Variants in KLHDC4 observed in about 807,000 individuals in gnomAD.
The protein encoded by KLHDC4 is kelch domain containing 4, also known as kelch domain-containing protein 4.
A neutral mutation model predicts 62.4 loss-of-function variants in KLHDC4; 90 were observed. The observed-to-expected ratio is 1.44, with a 90% CI of 1.22 to 1.72. The LOEUF is 1.72. Ranked by LOEUF, KLHDC4 falls within the 40% of genes most tolerant of loss-of-function variation. KLHDC4 has a pLI of 0.00. For synonymous variants in KLHDC4, 386 were observed against 284.4 expected, an observed-to-expected ratio of 1.36 and a Z score of -3.59; for missense variants, 1,025 against 699.7, an observed-to-expected ratio of 1.47 and a Z score of -5.25.
chr16:87,708,409 C>T lies in KLHDC4; in HGVS notation c.1505G>A (p.Gly502Asp). Residue 502 changes from glycine (G) to aspartate (D), a missense_variant, in exon 11 of 12, where the codon GGC becomes GAC. Transcript: ENST00000270583. The stretch of plus-strand genomic sequence containing the variant: ...TTCGTCGTCGACCCCACCCTCGGCG[C>T]CCTCAACCTCCTCACTGTCCTCTTC... ...DSEEDSEEVE[G>D]AEGGVDDEDS... The T allele has an allele frequency of 1.9e-6, 3 of 1,612,158 alleles. No homozygotes were observed. The highest frequency in any genetic ancestry group is 2.5e-6 in the Non-Finnish European group (3 of 1,179,612).
chr16:87,754,953 G>A (rs565325846), intron 4 of KLHDC4, among the ~76,000 whole-genome samples: 17 of 152,272 alleles, frequency 1.1e-4, no homozygotes, highest in Non-Finnish European at 2.1e-4. Context: ...GGAACGACAC[G>A]AGCTATTTTA....
chr16:87,718,057 A>G (rs2037353907), intron 7 of KLHDC4, among the ~76,000 whole-genome samples: 1 of 152,100 alleles, frequency 6.6e-6, no homozygotes, highest in Admixed American at 6.5e-5. Flanking sequence ...AACAGGGCCC[A>G]TGGTTCGACC....
At chr16:87,701,986 A>T (rs1487405780) in exon 1 of KLHDC4, 1 of 456,140 alleles carries the variant, frequency 2.2e-6, no homozygotes, top group Non-Finnish European at 4.4e-6. Context: ...CTGGGCCTGC[A>T]ACAAAGCTCA....
chr16:87,735,939 T>C (rs1304113677), intron 5 of KLHDC4, among the ~76,000 whole-genome samples: 1 of 152,176 alleles, frequency 6.6e-6, no homozygotes, highest in Admixed American at 6.5e-5. Context: ...TAGGGTACAG[T>C]CAGAATTAAA....
In KLHDC4 at chr16:87,762,095, C is replaced by T. The variant is rs542687655; in HGVS notation, c.100-55G>A. The T allele has an allele frequency of 5.6e-6, 9 of 1,599,068 alleles. No individual in the cohort carries two copies. In the African/African-American group the frequency reaches 9.4e-5, roughly 17 times the overall value. On this transcript the variant is annotated intron_variant, in intron 1 of 11. Transcript: ENST00000270583. The stretch of plus-strand genomic sequence containing the variant: ...CTTATTCCCAGGACCCGCCGCGGAG[C>T]CACAGCCCGCTCAGCTTTCCTCCAA...
downstream of KLHDC4, among the ~76,000 whole-genome samples, chr16:87,705,286 C>T (rs926845180): frequency 2.0e-4 from 30 of 152,260 alleles, no homozygotes; most frequent in African/African-American, 6.0e-4. Context: ...AACTGGGCCC[C>T]GGCAGACAGA....
chr16:87,749,403 C>A (rs58273871), intron 4 of KLHDC4, among the ~76,000 whole-genome samples: 32,144 of 151,690 alleles, frequency 0.21, 3,607 homozygotes, highest in South Asian at 0.31. Context: ...AAAATACAAA[C>A]ATTAGCCGGG....
At chr16:87,749,548 C>A (rs1259805129) in intron 4 of KLHDC4, among the ~76,000 whole-genome samples, 3 of 123,274 alleles carry the variant, frequency 2.4e-5, no homozygotes, top group African/African-American at 9.5e-5. Context: ...AGCGAGACTC[C>A]ATGTCAAAAA....
At chr16:87,730,769 A>C (rs2040206429) in intron 5 of KLHDC4, 125 bp from the exon 6 acceptor site, 2 of 765,986 alleles carry the variant, frequency 2.6e-6, no homozygotes, top group Non-Finnish European at 4.4e-6. Context: ...TACTGCTCAC[A>C]AATTAAATAC....
At chr16:87,713,902 T>A (rs1054365384) in intron 8 of KLHDC4, among the ~76,000 whole-genome samples, 1 of 151,284 alleles carries the variant, frequency 6.6e-6, no homozygotes, top group African/African-American at 2.4e-5. Flanking sequence ...ATCTAGGCAT[T>A]CTAACAGCCC....
intron 7 of KLHDC4, among the ~76,000 whole-genome samples, chr16:87,718,325 CTCTCCCTCCCCCTCT>C (rs2037457526): frequency 1.3e-5 from 1 of 74,452 alleles, no homozygotes; most frequent in Non-Finnish European, 2.6e-5. Flanking sequence ...CTCCCCCTCC[CTCTCCCTCCCCCTCT>C]CCTCCCCCTC....
downstream of KLHDC4, among the ~76,000 whole-genome samples, chr16:87,704,861 A>G (rs937311043): frequency 1.3e-5 from 2 of 152,184 alleles, no homozygotes; most frequent in Non-Finnish European, 2.9e-5. Flanking sequence ...CCAAACACGA[A>G]AAAAGCCACC....
At chr16:87,743,868 A>G (rs1228998570) in intron 5 of KLHDC4, among the ~76,000 whole-genome samples, 1 of 152,222 alleles carries the variant, frequency 6.6e-6, no homozygotes, top group Non-Finnish European at 1.5e-5. Flanking sequence ...AAAAAAACCA[A>G]ATGGAGACAT....
chr16:87,703,840 G>T (rs1214713783), downstream of KLHDC4, among the ~76,000 whole-genome samples: 1 of 152,248 alleles, frequency 6.6e-6, no homozygotes, highest in Non-Finnish European at 1.5e-5. Flanking sequence ...GTGTGGCCAG[G>T]CCCCAGATGG....
intron 1 of KLHDC4, chr16:87,763,345 G>C (rs769768724): frequency 2.8e-4 from 42 of 152,374 alleles, no homozygotes; most frequent in South Asian, 1.7e-3. Flanking sequence ...GCTCACGCCT[G>C]TAATCCCCGA....
chr16:87,745,106 T>C (rs1346338361), intron 5 of KLHDC4, among the ~76,000 whole-genome samples: 4 of 152,234 alleles, frequency 2.6e-5, no homozygotes, highest in African/African-American at 7.2e-5. Flanking sequence ...GTATAATCCT[T>C]AAACTTGGGG....
At chr16:87,714,624 T>C (rs2036571649) in intron 7 of KLHDC4, 51 bp from the exon 8 acceptor site, 3 of 1,595,434 alleles carry the variant, frequency 1.9e-6, no homozygotes, top group Non-Finnish European at 8.6e-7. Flanking sequence ...CAGTGGTTGC[T>C]TACAGACCCC....
intron 8 of KLHDC4, among the ~76,000 whole-genome samples, chr16:87,712,001 C>T (rs999555827): frequency 6.9e-6 from 1 of 145,300 alleles, no homozygotes; most frequent in Non-Finnish European, 1.5e-5. Flanking sequence ...CTGTGCCAGC[C>T]GCCCTTGGGC....
chr16:87,728,338 G>GT (rs1224170087), intron 6 of KLHDC4, among the ~76,000 whole-genome samples: 3 of 152,112 alleles, frequency 2.0e-5, no homozygotes, highest in South Asian at 2.1e-4. Context: ...ACAGACCACT[G>GT]TTTTTTTCAG....
Sources: gnomAD v4.1 joint callset for allele counts (sites outside exome capture counted in the v4.1 genomes callset) on GRCh38, gnomAD v4.1.1 for gene constraint, MANE v1.5 for transcripts, NCBI Gene and HGNC (gene_info 2026-07-23, HGNC 2026-07-21) for gene names.